The following DCC variants were observed in gnomAD, a reference collection of about 807,000 sequenced individuals.
DCC encodes DCC netrin 1 receptor, also known as netrin receptor DCC.
Under a neutral mutation model 172.5 loss-of-function variants are expected in DCC, and 58 were observed. The ratio of observed to expected loss-of-function variants is 0.34; its 90% confidence interval spans 0.27 to 0.42. The LOEUF (loss-of-function observed/expected upper bound fraction) is 0.42, where lower values mean the gene tolerates loss of function less well. DCC is among the 10% of genes least tolerant of loss of function. The pLI is 1.00. For synonymous variants in DCC, 709 were observed against 644.5 expected (o/e 1.10, Z -1.52); for missense variants, 1,740 against 1,791.0 (o/e 0.97, Z 0.51).
intron 15 of DCC, among the ~76,000 whole-genome samples, chr18:53,382,090 A>ATG (rs201683985): frequency 0.42 from 63,617 of 150,728 alleles, 15,094 homozygotes; most frequent in Non-Finnish European, 0.55. Flanking sequence ...ACACACACAC[A>ATG]CACACACACA....
At chr18:52,788,372 C>T (rs765996155) in intron 2 of DCC, among the ~76,000 whole-genome samples, 1 of 152,120 alleles carries the variant, frequency 6.6e-6, no homozygotes, top group Non-Finnish European at 1.5e-5. Context: ...AGGAACCAGA[C>T]AGAATTGCAG....
chr18:52,925,558 TATTA>T (rs1401504936), intron 5 of DCC, among the ~76,000 whole-genome samples, 188 bp downstream of exon 5: 2 of 152,036 alleles, frequency 1.3e-5, no homozygotes, highest in Non-Finnish European at 2.9e-5. Flanking sequence ...TTTGAATACT[TATTA>T]ATTAAAATCC....
At chr18:53,260,073 C>T (rs1034118920) in intron 12 of DCC, among the ~76,000 whole-genome samples, 5 of 152,044 alleles carry the variant, frequency 3.3e-5, no homozygotes, top group Non-Finnish European at 5.9e-5. Flanking sequence ...TAAGGACTTC[C>T]CTGCATTGGT....
At chr18:53,079,038 C>A (rs944840334) in intron 7 of DCC, among the ~76,000 whole-genome samples, 1 of 152,062 alleles carries the variant, frequency 6.6e-6, no homozygotes, top group Non-Finnish European at 1.5e-5. Context: ...TGTACCAAAG[C>A]AGAACAAACT....
At chr18:52,746,705 C>T (rs2036910062) in intron 1 of DCC, among the ~76,000 whole-genome samples, 1 of 152,006 alleles carries the variant, frequency 6.6e-6, no homozygotes, top group Non-Finnish European at 1.5e-5. Context: ...TAAGAATATT[C>T]TCTATGTATA....
At position 53,279,553 on chromosome 18, in the gene DCC, C is replaced by A. The variant is rs186167882; in HGVS notation, c.1912-26025C>A. ...AGGAGATATACCTAATGTTAAATGA[C>A]GAGTTAATGGGTGCAGCACACCAAC... On this transcript the variant is annotated intron_variant, in intron 12 of 28. Coordinates refer to ENST00000442544, the MANE Select transcript of DCC (RefSeq NM_005215.4). Among the ~76,000 whole-genome samples, 438 of 149,048 alleles carry A rather than the reference C, an allele frequency of 2.9e-3. 3 individuals carry two copies. Among genetic ancestry groups the A allele is most frequent in the Admixed American group, 0.022 (325 of 14,842 alleles).
intron 12 of DCC, among the ~76,000 whole-genome samples, chr18:53,219,884 A>G (rs1231143207): frequency 6.6e-6 from 1 of 152,154 alleles, no homozygotes; most frequent in Admixed American, 6.6e-5. Flanking sequence ...CAGATATTTT[A>G]ACATTCTTTG....
intron 22 of DCC, among the ~76,000 whole-genome samples, chr18:53,446,124 A>AAAAAAAAAAAAC (rs369426007): frequency 0.011 from 1,260 of 117,050 alleles, 231 homozygotes; most frequent in Non-Finnish European, 0.017. Context: ...ACAAAAAAAA[A>AAAAAAAAAAAAC]CACTTAAAAA....
intron 7 of DCC, among the ~76,000 whole-genome samples, chr18:53,134,223 A>G (rs2043703330): frequency 6.6e-6 from 1 of 152,186 alleles, no homozygotes; most frequent in Non-Finnish European, 1.5e-5. Flanking sequence ...GGTATGTTAA[A>G]TATCTTTCTG....
chr18:52,421,751 C>CAG (rs1271507462), intron 1 of DCC, among the ~76,000 whole-genome samples: 3 of 152,126 alleles, frequency 2.0e-5, no homozygotes, highest in East Asian at 1.9e-4. Context: ...TGCCAAGAAC[C>CAG]AGAGAGAGAG....
intron 25 of DCC, among the ~76,000 whole-genome samples, chr18:53,468,366 T>TTTATTTATTTA (rs2045650891): frequency 7.1e-5 from 9 of 126,936 alleles, no homozygotes; most frequent in Non-Finnish European, 1.2e-4. Flanking sequence ...TTATTTATTT[T>TTTATTTATTTA]ATTTATTTAT....
chr18:53,086,087 C>T lies in DCC; in HGVS notation c.1261+19921C>T, dbSNP rs1267093435. ...TTCTCCCTCTCCTCCTCCTCCTCCTCCTCCTCCTCCTCCTCCTCCTCCTCC... is the reference window on the plus strand; with the variant it reads ...TTCTCCCTCTCCTCCTCCTCCTCCTTCTCCTCCTCCTCCTCCTCCTCCTCC... On this transcript the variant is annotated intron_variant, in intron 7 of 28. Coordinates refer to ENST00000442544, the MANE Select transcript of DCC (RefSeq NM_005215.4). 6.3e-3 allele frequency among the ~76,000 whole-genome samples: 7 copies of T among 1,112 alleles called. 1 individual carries two copies. The highest frequency in any genetic ancestry group is 0.015 in the African/African-American group (1 of 68). 0.7% of individuals were successfully genotyped at this position (1,112 alleles called of 152,430 possible). A position where few individuals can be genotyped will look rare whatever the true frequency, so the allele number is the denominator to read the frequency against.
At chr18:53,442,735 A>G (rs892475201) in intron 22 of DCC, among the ~76,000 whole-genome samples, 3 of 152,212 alleles carry the variant, frequency 2.0e-5, no homozygotes, top group African/African-American at 7.2e-5. Context: ...TACAAAGGAA[A>G]AGTTCTTGAA....
chr18:52,387,583 C>CTTCCTTCCTTCA (rs1985855290), intron 1 of DCC, among the ~76,000 whole-genome samples: 1 of 115,640 alleles, frequency 8.6e-6, no homozygotes, highest in African/African-American at 2.9e-5. Context: ...TTCTTCCTTC[C>CTTCCTTCCTTCA]TTCCTTCCTT....
intron 5 of DCC, among the ~76,000 whole-genome samples, chr18:53,025,271 G>T (rs990294515): frequency 1.3e-5 from 2 of 152,076 alleles, no homozygotes; most frequent in Non-Finnish European, 2.9e-5. Flanking sequence ...CTGGAAGATC[G>T]AAAAGATTTG....
intron 2 of DCC, among the ~76,000 whole-genome samples, chr18:52,769,592 C>G (rs2037307232): frequency 6.6e-6 from 1 of 152,102 alleles, no homozygotes; most frequent in Non-Finnish European, 1.5e-5. Flanking sequence ...TTCAGTCTAT[C>G]AATTATTTCT....
rs112215288 is a variant in DCC at position 53,065,324 on chromosome 18, A to G, written c.1141-722A>G. Among the ~76,000 whole-genome samples, 874 of 152,314 alleles carry G rather than the reference A, an allele frequency of 5.7e-3. 10 individuals carry two copies. Among genetic ancestry groups the G allele is most frequent in the African/African-American group, 0.02 (825 of 41,578 alleles). On this transcript the variant is annotated intron_variant, in intron 6 of 28. Transcript: ENST00000442544. Reference sequence around the variant, plus strand: ...ATTCTTACACTAATATCGAAGATAAACTGAATTAGTATAATTAAATGCTAT... The same window carrying G: ...ATTCTTACACTAATATCGAAGATAAGCTGAATTAGTATAATTAAATGCTAT...
intron 25 of DCC, among the ~76,000 whole-genome samples, chr18:53,469,659 T>A (rs1480454286): frequency 6.6e-6 from 1 of 151,580 alleles, no homozygotes. Context: ...CATCATCAGT[T>A]TTTTTTCCTT....
At chr18:53,352,479 T>C (rs920428317) in intron 15 of DCC, among the ~76,000 whole-genome samples, 2 of 152,166 alleles carry the variant, frequency 1.3e-5, no homozygotes, top group East Asian at 1.9e-4. Flanking sequence ...GTGATACTAT[T>C]GTTTACTCTG....
Sources: allele counts gnomAD v4.1 joint callset (sites outside exome capture counted in the v4.1 genomes callset), GRCh38; gene constraint gnomAD v4.1.1; transcripts MANE v1.5; gene names NCBI Gene and HGNC (gene_info 2026-07-23, HGNC 2026-07-21).